Variants in EXOC2 observed in about 807,000 individuals in gnomAD.
The protein encoded by EXOC2 is SEC5-like 1.
A neutral mutation model predicts 131.8 loss-of-function variants in EXOC2; 70 were observed. The observed-to-expected ratio is 0.53, with a 90% CI of 0.44 to 0.65. EXOC2 has a LOEUF of 0.65. Ranked by LOEUF, EXOC2 falls within the 30% of genes least tolerant of loss-of-function variation. EXOC2 has a pLI of 0.00. For missense variants in EXOC2, 923 were observed against 1,108.6 expected (o/e 0.83, Z 2.38); for synonymous variants, 411 against 398.4 (o/e 1.03, Z -0.38).
intron 1 of EXOC2, among the ~76,000 whole-genome samples, chr6:680,354 C>T (rs192972680): frequency 6.6e-6 from 1 of 152,252 alleles, no homozygotes; most frequent in African/African-American, 2.4e-5. Context: ...ACAAAAGCTA[C>T]CTTTATACAA....
At chr6:579,578 T>A (rs1247708958) in intron 11 of EXOC2, among the ~76,000 whole-genome samples, 1 of 152,214 alleles carries the variant, frequency 6.6e-6, no homozygotes, top group African/African-American at 2.4e-5. Context: ...ATGTGCCCTG[T>A]CAACTAAACA....
intron 22 of EXOC2, among the ~76,000 whole-genome samples, chr6:538,927 C>T (rs972516945): frequency 2.6e-5 from 4 of 152,044 alleles, no homozygotes; most frequent in African/African-American, 9.7e-5. Flanking sequence ...CGAAAATTAG[C>T]CGGCTGTGGT....
At chr6:529,476 C>T (rs972285011) in intron 23 of EXOC2, among the ~76,000 whole-genome samples, 19 of 152,142 alleles carry the variant, frequency 1.2e-4, no homozygotes, top group Non-Finnish European at 2.2e-4. Context: ...ATTTCAGTGA[C>T]GACAGAGAAG....
intron 6 of EXOC2, 110 bp downstream of exon 6, chr6:617,601 C>A: frequency 7.3e-7 from 1 of 1,368,034 alleles, no homozygotes; most frequent in Non-Finnish European, 9.7e-7. Flanking sequence ...CATTTGAGAT[C>A]TCTACTTTGA....
At chr6:580,692 C>T (rs1457607448) in intron 11 of EXOC2, among the ~76,000 whole-genome samples, 1 of 151,948 alleles carries the variant, frequency 6.6e-6, no homozygotes, top group Non-Finnish European at 1.5e-5. Context: ...GGCAGCTCAC[C>T]GAGGCACTAA....
intron 1 of EXOC2, among the ~76,000 whole-genome samples, chr6:687,666 C>T (rs1018987477): frequency 1.3e-5 from 2 of 152,114 alleles, no homozygotes; most frequent in Admixed American, 1.3e-4. Context: ...GTTTATTATA[C>T]ACTTGCTATG....
At chr6:645,621 ACT>A (rs1428079650) in intron 1 of EXOC2, among the ~76,000 whole-genome samples, 3 of 152,088 alleles carry the variant, frequency 2.0e-5, no homozygotes, top group African/African-American at 7.2e-5. Flanking sequence ...ATTTGAGGAG[ACT>A]CTTCATAAAG....
In EXOC2 at chr6:537,334, G is replaced by A. The variant is rs536063263; in HGVS notation, c.2239-4724C>T. On this transcript the variant is annotated intron_variant, in intron 22 of 27. Transcript: ENST00000230449. ...CACACGAGATGACGGCCGACGGAGCGTACACTCGAGTTGACGGCCGACGGA... is the reference window on the plus strand; with the variant it reads ...CACACGAGATGACGGCCGACGGAGCATACACTCGAGTTGACGGCCGACGGA... Among the ~76,000 whole-genome samples the A allele has an allele frequency of 4.7e-5, 7 of 149,422 alleles. No homozygotes were observed. The South Asian group carries it at 8.6e-4, about 18-fold the overall frequency.
rs747717054 is a variant in EXOC2 at position 576,772 on chromosome 6, A to G, written c.1303T>C (p.Ser435Pro). The G allele has an allele frequency of 2.5e-6, 4 of 1,614,076 alleles. No individual in the cohort carries two copies. Among genetic ancestry groups the G allele is most frequent in the Non-Finnish European group, 3.4e-6 (4 of 1,179,970 alleles). ...ASLKRGSSFQ[S>P]GRDDTWRYKT... is the part of the protein sequence containing the mutation. ...AGATACTTACTGTCGTCTCGACCAG[A>G]CTGAAAGCTGCTGCCCCTCTTCAGG... The change falls in exon 12 of 28, where the codon TCT becomes CCT. Residue 435 changes from serine (S) to proline (P), a missense_variant. Ser to Pro is a moderately conservative substitution (Grantham distance 74). Coordinates refer to ENST00000230449, the MANE Select transcript of EXOC2 (RefSeq NM_018303.6).
chr6:578,040 C>T (rs975926172), intron 11 of EXOC2, among the ~76,000 whole-genome samples: 28 of 152,320 alleles, frequency 1.8e-4, no homozygotes, highest in African/African-American at 6.7e-4. Flanking sequence ...CCTATCTCCA[C>T]CAAAGACTGC....
chr6:679,685 A>G (rs1764312121), intron 1 of EXOC2, among the ~76,000 whole-genome samples: 1 of 152,244 alleles, frequency 6.6e-6, no homozygotes, highest in African/African-American at 2.4e-5. Flanking sequence ...GACGGGGAAA[A>G]AACGGAAACA....
At chr6:619,692 A>G (rs1213433178) in intron 4 of EXOC2, 149 bp from the exon 5 acceptor site, 9 of 531,308 alleles carry the variant, frequency 1.7e-5, no homozygotes, top group Admixed American at 3.1e-5. Context: ...ATGTTTGTAT[A>G]TATGTACAAA....
intron 7 of EXOC2, among the ~76,000 whole-genome samples, chr6:602,535 G>C (rs1176065694): frequency 6.6e-6 from 1 of 152,114 alleles, no homozygotes; most frequent in Non-Finnish European, 1.5e-5. Flanking sequence ...AAGGCAGCTG[G>C]TAAGGGTTTG....
intron 7 of EXOC2, among the ~76,000 whole-genome samples, chr6:609,489 G>A (rs902689954): frequency 1.3e-5 from 2 of 152,174 alleles, no homozygotes; most frequent in Admixed American, 1.3e-4. Context: ...AAATCAGCAG[G>A]ATAAGTAGCT....
At chr6:548,176 T>C (rs996285489) in intron 22 of EXOC2, among the ~76,000 whole-genome samples, 3 of 152,160 alleles carry the variant, frequency 2.0e-5, no homozygotes, top group Non-Finnish European at 2.9e-5. Flanking sequence ...AGTCACGACA[T>C]TTCTCATCAG....
intron 4 of EXOC2, among the ~76,000 whole-genome samples, chr6:623,312 T>C (rs145263657): frequency 0.012 from 1,803 of 152,252 alleles, 38 homozygotes; most frequent in African/African-American, 0.04. Flanking sequence ...TTCAGGCCCC[T>C]GAACTGGGCC....
At chr6:520,726 G>A (rs1182986931) in intron 23 of EXOC2, among the ~76,000 whole-genome samples, 1 of 27,666 alleles carries the variant, frequency 3.6e-5, no homozygotes, top group African/African-American at 1.4e-4. Context: ...AAACAACCAC[G>A]CACGGAGCGC....
At chr6:562,918 A>G (rs2127583127) in intron 16 of EXOC2, 73 bp from the exon 17 acceptor site, 4 of 1,109,786 alleles carry the variant, frequency 3.6e-6, no homozygotes, top group South Asian at 3.7e-5. Context: ...AAAAATGTAT[A>G]CAGGTTATGG....
intron 4 of EXOC2, among the ~76,000 whole-genome samples, chr6:623,199 G>C (rs775089721): frequency 6.6e-6 from 1 of 152,216 alleles, no homozygotes. Flanking sequence ...CTGAGACTTG[G>C]CTTCTGCATT....
Sources: allele counts gnomAD v4.1 joint callset (sites outside exome capture counted in the v4.1 genomes callset), GRCh38; gene constraint gnomAD v4.1.1; transcripts MANE v1.5; gene names NCBI Gene and HGNC (gene_info 2026-07-23, HGNC 2026-07-21).